NRCAM: variants seen among roughly 807,000 people sequenced by gnomAD.
NRCAM encodes NgCAM-related cell adhesion molecule.
Under a neutral mutation model 156.5 loss-of-function variants are expected in NRCAM, and 83 were observed. The observed-to-expected ratio is 0.53, with a 90% CI of 0.44 to 0.64. The LOEUF (loss-of-function observed/expected upper bound fraction) is 0.64. NRCAM is among the 30% of genes least tolerant of loss of function. The pLI is 0.00. For synonymous variants in NRCAM, 538 were observed against 563.9 expected, an observed-to-expected ratio of 0.95 and a Z score of 0.65; for missense variants, 1,417 against 1,597.3, an observed-to-expected ratio of 0.89 and a Z score of 1.92.
chr7:108,434,541 T>TACACACACAC lies in NRCAM; in HGVS notation c.-332+21692_-332+21701dup, dbSNP rs141756969. The stretch of plus-strand genomic sequence containing the variant: ...CTACATACCCATGGCCAATGGAATG[T>TACACACACAC]ACACACACACACACACACACACACA... On this transcript the variant is annotated intron_variant, in intron 1 of 32. Coordinates refer to ENST00000379028, the MANE Select transcript of NRCAM (RefSeq NM_001037132.4). Among the ~76,000 whole-genome samples, 422 of 141,232 alleles carry TACACACACAC rather than the reference T, an allele frequency of 3.0e-3. 7 individuals carry two copies. The highest frequency in any genetic ancestry group is 0.011 in the Middle Eastern group (3 of 280). 92.7% of individuals were successfully genotyped at this position (141,232 alleles called of 152,430 possible).
chr7:108,175,699 T>G (rs749475635), intron 27 of NRCAM, among the ~76,000 whole-genome samples: 1 of 152,180 alleles, frequency 6.6e-6, no homozygotes, highest in Non-Finnish European at 1.5e-5. Flanking sequence ...CTATCAAAGA[T>G]AGTCAAATGA....
intron 32 of NRCAM, chr7:108,159,147 TTTG>T (rs2047285819): frequency 2.2e-6 from 1 of 446,500 alleles, no homozygotes; most frequent in African/African-American, 2.1e-5. Flanking sequence ...GAGGTTCTTT[TTTG>T]TTGTTTTAAT....
At position 108,226,345 on chromosome 7, in the gene NRCAM, G is replaced by A. The variant is rs776412432; in HGVS notation, c.584C>T (p.Ser195Phe). 6.2e-7 allele frequency: 1 copy of A among 1,612,928 alleles called. No homozygotes were observed. The highest frequency in any genetic ancestry group is 1.1e-5 in the South Asian group (1 of 90,992). Residue 195 changes from serine (S) to phenylalanine (F), a missense_variant, in exon 9 of 33, where the codon TCT becomes TTT. By Grantham distance (155) the Ser-to-Phe change is radical (BLOSUM62 -2). Transcript: ENST00000379028. ...ATAAAGGTCCCCATTCAAACCTTGA[G>A]AAACTCTCTCACTTTGTGGAAGTCT... ...FQRLPQSERV[S>F]QGLNGDLYFS...
At chr7:108,340,723 C>T (rs2099266889) in intron 2 of NRCAM, among the ~76,000 whole-genome samples, 1 of 152,216 alleles carries the variant, frequency 6.6e-6, no homozygotes, top group Non-Finnish European at 1.5e-5. Flanking sequence ...CACTATAACA[C>T]AGGGTAAGGA....
intron 20 of NRCAM, among the ~76,000 whole-genome samples, chr7:108,186,664 A>G (rs1010188327): frequency 1.3e-5 from 2 of 152,152 alleles, no homozygotes; most frequent in Non-Finnish European, 2.9e-5. Context: ...GAATTACCTA[A>G]TGTTTTCAGG....
At chr7:108,269,164 GAAAAAAAA>G (rs563265399) in intron 3 of NRCAM, among the ~76,000 whole-genome samples, 2 of 105,876 alleles carry the variant, frequency 1.9e-5, no homozygotes, top group African/African-American at 7.1e-5. Context: ...TGCTGTATTT[GAAAAAAAA>G]AAAAAAGAAA....
At chr7:108,297,426 T>C (rs1166269600) in intron 3 of NRCAM, among the ~76,000 whole-genome samples, 2 of 152,172 alleles carry the variant, frequency 1.3e-5, no homozygotes, top group African/African-American at 4.8e-5. Context: ...GAAATCAGGG[T>C]GTCACAGAAA....
intron 1 of NRCAM, among the ~76,000 whole-genome samples, chr7:108,410,762 G>A (rs1410763005): frequency 7.9e-5 from 12 of 152,172 alleles, no homozygotes; most frequent in Admixed American, 7.9e-4. Flanking sequence ...CCCTATCAGG[G>A]ATAGTGGAGG....
chr7:108,400,188 A>G (rs2099788249), intron 1 of NRCAM, among the ~76,000 whole-genome samples: 1 of 152,240 alleles, frequency 6.6e-6, no homozygotes, highest in Admixed American at 6.5e-5. Context: ...GTTAAAGTGG[A>G]ACAGAATAAA....
intron 3 of NRCAM, among the ~76,000 whole-genome samples, chr7:108,254,561 T>TTTTTTC (rs1182408622): frequency 6.6e-6 from 1 of 150,954 alleles, no homozygotes; most frequent in Non-Finnish European, 1.5e-5. Flanking sequence ...CTTTTTTTTT[T>TTTTTTC]TTTTTGAGAT....
chr7:108,385,906 AGAGGGAGG>A (rs3077978), intron 2 of NRCAM, among the ~76,000 whole-genome samples: 15 of 142,814 alleles, frequency 1.1e-4, no homozygotes, highest in Admixed American at 2.8e-4. Context: ...CTATGGAGAG[AGAGGGAGG>A]GAGGGAGGGA....
intron 3 of NRCAM, among the ~76,000 whole-genome samples, chr7:108,305,966 T>C (rs1439534020): frequency 6.6e-6 from 1 of 152,242 alleles, no homozygotes; most frequent in African/African-American, 2.4e-5. Flanking sequence ...GAAGTTTATG[T>C]ATGCAAATGC....
intron 2 of NRCAM, among the ~76,000 whole-genome samples, chr7:108,374,027 G>A (rs6968548): frequency 0.024 from 3,726 of 152,236 alleles, 170 homozygotes; most frequent in African/African-American, 0.084. Context: ...CAGAGACACA[G>A]AACTGCTTCA....
chr7:108,260,481 G>A (rs1402883334), intron 3 of NRCAM, among the ~76,000 whole-genome samples: 4 of 152,270 alleles, frequency 2.6e-5, no homozygotes, highest in South Asian at 2.1e-4. Context: ...CTGAGCTGCC[G>A]AGTGTGACTG....
chr7:108,272,534 A>C (rs926285115), intron 3 of NRCAM, among the ~76,000 whole-genome samples: 9 of 152,138 alleles, frequency 5.9e-5, no homozygotes, highest in Non-Finnish European at 1.2e-4. Flanking sequence ...AGTTACTAAT[A>C]TGTTTGATCA....
At position 108,426,374 on chromosome 7, in the gene NRCAM, CTTTAT is replaced by C. The variant is rs546981407; in HGVS notation, c.-331-26786_-331-26782del. Reference sequence around the variant, plus strand: ...ACAGAGTGAGCACTTGATACTTCCCCTTTATTTTAATTGTCCAAAATAACTGGTTA... The same window carrying C: ...ACAGAGTGAGCACTTGATACTTCCCCTTTAATTGTCCAAAATAACTGGTTA... On this transcript the variant is annotated intron_variant, in intron 1 of 32. Coordinates refer to ENST00000379028, the MANE Select transcript of NRCAM (RefSeq NM_001037132.4). Among the ~76,000 whole-genome samples, 250 of 152,368 alleles carry C rather than the reference CTTTAT, an allele frequency of 1.6e-3. 2 individuals carry two copies. Among genetic ancestry groups the C allele is most frequent in the African/African-American group, 5.3e-3 (222 of 41,598 alleles).
chr7:108,257,016 A>C (rs1330033714), intron 3 of NRCAM, among the ~76,000 whole-genome samples: 1 of 125,994 alleles, frequency 7.9e-6, no homozygotes, highest in African/African-American at 3.5e-5. Context: ...AAAAAAAAAA[A>C]AAAGAAAAAG....
intron 1 of NRCAM, among the ~76,000 whole-genome samples, chr7:108,423,058 G>A (rs1240194550): frequency 1.3e-5 from 2 of 152,080 alleles, no homozygotes; most frequent in African/African-American, 2.4e-5. Flanking sequence ...GGTTACCTCT[G>A]GAGAGAAGGG....
chr7:108,325,512 T>G (rs1357483196), intron 2 of NRCAM, among the ~76,000 whole-genome samples: 2 of 152,082 alleles, frequency 1.3e-5, no homozygotes, highest in African/African-American at 4.8e-5. Flanking sequence ...GCTTTCCCCC[T>G]CATCTTCAGG....
Sources: gnomAD v4.1 joint callset for allele counts (sites outside exome capture counted in the v4.1 genomes callset) on GRCh38, gnomAD v4.1.1 for gene constraint, MANE v1.5 for transcripts, NCBI Gene and HGNC (gene_info 2026-07-23, HGNC 2026-07-21) for gene names.